SHLD3: variants seen among roughly 807,000 people sequenced by gnomAD.
The protein encoded by SHLD3 is REV7-interacting novel NHEJ regulator 1.
Under a neutral mutation model 21.4 loss-of-function variants are expected in SHLD3, and 15 were observed. That is an observed-to-expected ratio of 0.70 (90% CI 0.47 to 1.08). The LOEUF (loss-of-function observed/expected upper bound fraction) is 1.08. Among genes scored for constraint, SHLD3 ranks in the 50% least tolerant of loss-of-function variants. The pLI, the probability that SHLD3 is intolerant of heterozygous loss-of-function variation, is 0.00. For synonymous variants in SHLD3, 103 were observed against 97.2 expected (o/e 1.06, Z -0.35); for missense variants, 273 against 286.1 (o/e 0.95, Z 0.33).
At chr5:65,627,997 C>T (rs1561759925) in intron 1 of SHLD3, among the ~76,000 whole-genome samples, 1 of 152,128 alleles carries the variant, frequency 6.6e-6, no homozygotes, top group African/African-American at 2.4e-5. Flanking sequence ...AAGTAATTCT[C>T]TAATGATTTT....
intron 1 of SHLD3, chr5:65,625,374 C>A (rs1755162184): frequency 4.6e-6 from 2 of 430,888 alleles, no homozygotes; most frequent in Admixed American, 8.4e-5. Flanking sequence ...AAGCTGACGT[C>A]CCGCTCCTAC....
chr5:65,630,567 G>A lies in SHLD3; in HGVS notation c.*227G>A, dbSNP rs1448192164. On this transcript the variant is annotated 3_prime_UTR_variant, in exon 2 of 2. Transcript: ENST00000510585. ...AAGGTAAAAATGTTCTGTTCCTTTT[G>A]TTACAAACTGTGATTGAATTAGTCA... The A allele has an allele frequency of 9.3e-6, 11 of 1,182,600 alleles. No individual in the cohort carries two copies. In the East Asian group the frequency reaches 3.6e-4, roughly 39 times the overall value. 73.3% of individuals were successfully genotyped at this position (1,182,600 alleles called of 1,614,324 possible). A position where few individuals can be genotyped will look rare whatever the true frequency, so the allele number is the denominator to read the frequency against.
intron 1 of SHLD3, among the ~76,000 whole-genome samples, chr5:65,627,163 A>C (rs1464449174): frequency 1.3e-5 from 2 of 150,062 alleles, no homozygotes; most frequent in African/African-American, 4.9e-5. Context: ...AAAAAGAACA[A>C]TAAGCAGCCT....
intron 1 of SHLD3, chr5:65,625,403 T>C (rs999740940): frequency 5.0e-6 from 2 of 397,134 alleles, no homozygotes; most frequent in African/African-American, 4.1e-5. Context: ...TCTCTGTGAA[T>C]TACAGCGGGC....
Position 65,630,540 on chromosome 5 carries a change from T to G in SHLD3, c.*200T>G, listed in dbSNP as rs1414609744. The G allele has an allele frequency of 8.0e-7, 1 of 1,257,414 alleles. No homozygotes were observed. The highest frequency in any genetic ancestry group is 1.0e-6 in the Non-Finnish European group (1 of 1,002,156). 77.9% of individuals were successfully genotyped at this position (1,257,414 alleles called of 1,614,324 possible). A position where few individuals can be genotyped will look rare whatever the true frequency, so the allele number is the denominator to read the frequency against. On this transcript the variant is annotated 3_prime_UTR_variant, in exon 2 of 2. Coordinates refer to ENST00000510585, the MANE Select transcript of SHLD3 (RefSeq NM_001365341.2). ...GATAAATTATTGTTTACACTGAATT[T>G]GAAGGTAAAAATGTTCTGTTCCTTT...
In SHLD3 at chr5:65,630,385, T is replaced by C. The variant is rs980435839; in HGVS notation, c.*45T>C. 2 of 1,439,680 alleles carry C rather than the reference T, an allele frequency of 1.4e-6. No homozygotes were observed. Among genetic ancestry groups the C allele is most frequent in the Non-Finnish European group, 1.8e-6 (2 of 1,102,252 alleles). 89.2% of individuals were successfully genotyped at this position (1,439,680 alleles called of 1,614,324 possible). On this transcript the variant is annotated 3_prime_UTR_variant, in exon 2 of 2. Transcript: ENST00000510585. ...AAAAGAATATTCTGAATGAAATGAATATGGATTGAAATAGATAAAATAATT... is the reference window on the plus strand; with the variant it reads ...AAAAGAATATTCTGAATGAAATGAACATGGATTGAAATAGATAAAATAATT...
In SHLD3 at chr5:65,630,118, C is replaced by T. The variant is rs1394524439; in HGVS notation, c.531C>T (p.Asn177=). The part of the protein sequence containing the change: ...ARWTIEHTIC[N]SQTLEDIWTK... ...GGACAATAGAACACACTATTTGTAA[C>T]AGCCAAACTCTGGAAGACATTTGGA... Residue 177 remains asparagine (N), a synonymous_variant, in exon 2 of 2, where the codon AAC becomes AAT. Transcript: ENST00000510585. 1.3e-6 allele frequency: 2 copies of T among 1,536,050 alleles called. No individual in the cohort carries two copies. Among genetic ancestry groups the T allele is most frequent in the Admixed American group, 3.9e-5 (2 of 51,002 alleles).
At position 65,630,189 on chromosome 5, in the gene SHLD3, A is replaced by C; in HGVS notation, c.602A>C (p.Asn201Thr). Residue 201 changes from asparagine to threonine, a missense_variant, in exon 2 of 2, where the codon AAT becomes ACT. Coordinates refer to ENST00000510585, the MANE Select transcript of SHLD3 (RefSeq NM_001365341.2). ...IIRHNELPSC[N>T]ATIQRHLGQI... Reference sequence around the variant, plus strand: ...AGGCACAATGAACTTCCATCTTGTAATGCTACAATTCAGAGGCATTTAGGC... The same window carrying C: ...AGGCACAATGAACTTCCATCTTGTACTGCTACAATTCAGAGGCATTTAGGC... 1 of 1,536,008 alleles carries C rather than the reference A, an allele frequency of 6.5e-7. No individual in the cohort carries two copies. Among genetic ancestry groups the C allele is most frequent in the African/African-American group, 1.4e-5 (1 of 73,166 alleles).
In SHLD3 at chr5:65,630,032, T is replaced by C; in HGVS notation, c.445T>C (p.Ser149Pro). 1 of 1,536,054 alleles carries C rather than the reference T, an allele frequency of 6.5e-7. No individual in the cohort carries two copies. Among genetic ancestry groups the C allele is most frequent in the Non-Finnish European group, 8.7e-7 (1 of 1,146,866 alleles). ...TTGTACTAAAAACGTTTCTCCTTTG[T>C]CTAAAAAATTGCAAGATAGTTTAAA... ...NNCTKNVSPLSKKLQDSLKAL... is the reference protein window; with the variant it reads ...NNCTKNVSPLPKKLQDSLKAL... Residue 149 changes from serine to proline, a missense_variant, in exon 2 of 2, where the codon TCT becomes CCT. Transcript: ENST00000510585.
In SHLD3 at chr5:65,630,665, CA is replaced by C; in HGVS notation, c.*327del. ...TTTTACTGTATTTTTTTCCTTACCT[CA>C]AGTGTAATTTTTTAAAAAATAAAAC... is the stretch of plus-strand genomic sequence containing the variant. On this transcript the variant is annotated 3_prime_UTR_variant, in exon 2 of 2. Coordinates refer to ENST00000510585, the MANE Select transcript of SHLD3 (RefSeq NM_001365341.2). The C allele has an allele frequency of 9.9e-7, 1 of 1,007,342 alleles. No individual in the cohort carries two copies. The highest frequency in any genetic ancestry group is 1.2e-6 in the Non-Finnish European group (1 of 843,098). The allele number at this position is 1,007,342 out of a possible 1,614,324, so 62.4% of individuals were successfully genotyped here.
Position 65,630,445 on chromosome 5 carries a change from A to G in SHLD3, c.*105A>G. 1.4e-6 allele frequency: 2 copies of G among 1,390,972 alleles called. No homozygotes were observed. Among genetic ancestry groups the G allele is most frequent in the South Asian group, 3.4e-5 (2 of 58,430 alleles). The allele number at this position is 1,390,972 out of a possible 1,614,324, so 86.2% of individuals were successfully genotyped here. ...TTTAAAATTTTTAATGACTTTTTAG[A>G]ATTCCTAGGCTTGTCAATTAAGTCA... is the stretch of plus-strand genomic sequence containing the variant. On this transcript the variant is annotated 3_prime_UTR_variant, in exon 2 of 2. Coordinates refer to ENST00000510585, the MANE Select transcript of SHLD3 (RefSeq NM_001365341.2).
At chr5:65,628,189 C>G (rs764822524) in intron 1 of SHLD3, among the ~76,000 whole-genome samples, 1 of 152,108 alleles carries the variant, frequency 6.6e-6, no homozygotes, top group Non-Finnish European at 1.5e-5. Flanking sequence ...TTTGGGGCAA[C>G]TTGAGGACTT....
At position 65,630,520 on chromosome 5, in the gene SHLD3, A is replaced by AT; in HGVS notation, c.*182dup. On this transcript the variant is annotated 3_prime_UTR_variant, in exon 2 of 2. Transcript: ENST00000510585. ...GGCAGCCTTCTTTTAAATGTGATAA[A>AT]TTATTGTTTACACTGAATTTGAAGG... 7.6e-7 allele frequency: 1 copy of AT among 1,311,116 alleles called. No homozygotes were observed. Among genetic ancestry groups the AT allele is most frequent in the East Asian group, 2.9e-5 (1 of 34,524 alleles). The allele number at this position is 1,311,116 out of a possible 1,614,324, so 81.2% of individuals were successfully genotyped here.
intron 1 of SHLD3, chr5:65,625,542 A>T (rs551710569): frequency 6.0e-6 from 1 of 165,972 alleles, no homozygotes; most frequent in Admixed American, 6.3e-5. Context: ...AATACATAGT[A>T]ATACAACATA....
At chr5:65,626,235 GTT>G (rs1205405716) in intron 1 of SHLD3, 1 of 152,188 alleles carries the variant, frequency 6.6e-6, no homozygotes, top group African/African-American at 2.4e-5. Context: ...AATTCTCAGA[GTT>G]TAAGTAACTT....
At chr5:65,627,522 C>T (rs1366297528) in intron 1 of SHLD3, among the ~76,000 whole-genome samples, 1 of 151,818 alleles carries the variant, frequency 6.6e-6, no homozygotes, top group Non-Finnish European at 1.5e-5. Context: ...CCCAGCTACT[C>T]AGGAGGCTGA....
chr5:65,625,267 T>G lies in SHLD3; in HGVS notation c.-121+161T>G, dbSNP rs188723604. On this transcript the variant is annotated intron_variant, in intron 1 of 1. Transcript: ENST00000510585. ...GGAGGAAGCGATTTCTCCTGGATGC[T>G]TTTTAGGTTTATGGGCCCCTTTCTA... The G allele has an allele frequency of 7.8e-6, 5 of 644,108 alleles. No individual in the cohort carries two copies. The South Asian group carries it at 9.3e-5, about 12-fold the overall frequency. The allele number at this position is 644,108 out of a possible 1,614,324, so 39.9% of individuals were successfully genotyped here.
Position 65,629,498 on chromosome 5 carries a change from A to G in SHLD3, c.-90A>G, listed in dbSNP as rs1755427230. On this transcript the variant is annotated 5_prime_UTR_variant, in exon 2 of 2. Transcript: ENST00000510585. ...GTTTCCCTCTGATTTGGCAAGAGAG[A>G]CAATCTTGCAATAATAAATTAACAT... 2.8e-6 allele frequency: 4 copies of G among 1,434,848 alleles called. No homozygotes were observed. The highest frequency in any genetic ancestry group is 3.6e-6 in the Non-Finnish European group (4 of 1,099,348). 88.9% of individuals were successfully genotyped at this position (1,434,848 alleles called of 1,614,324 possible).
At position 65,629,820 on chromosome 5, in the gene SHLD3, A is replaced by G; in HGVS notation, c.233A>G (p.Asp78Gly). 4 of 1,536,086 alleles carry G rather than the reference A, an allele frequency of 2.6e-6. No individual in the cohort carries two copies. Among genetic ancestry groups the G allele is most frequent in the Non-Finnish European group, 3.5e-6 (4 of 1,146,872 alleles). ...VKQYLTISEH[D>G]AKSHSYDCTV... ...CAGTACTTAACCATTTCAGAACATG[A>G]TGCTAAGTCACACAGTTATGATTGC... Residue 78 changes from aspartate (D) to glycine (G), a missense_variant, in exon 2 of 2, where the codon GAT becomes GGT. Coordinates refer to ENST00000510585, the MANE Select transcript of SHLD3 (RefSeq NM_001365341.2).
Sources: gnomAD v4.1 joint callset for allele counts (sites outside exome capture counted in the v4.1 genomes callset) on GRCh38, gnomAD v4.1.1 for gene constraint, MANE v1.5 for transcripts, NCBI Gene and HGNC (gene_info 2026-07-23, HGNC 2026-07-21) for gene names.